Variants in CDH10 observed in about 807,000 individuals in gnomAD.
CDH10 encodes the protein cadherin 10.
Under a neutral mutation model 73.1 loss-of-function variants are expected in CDH10, and 30 were observed. The observed-to-expected ratio is 0.41, with a 90% confidence interval of 0.31 to 0.56. The LOEUF is 0.56. Among genes scored for constraint, CDH10 ranks in the 20% least tolerant of loss-of-function variants. CDH10 has a pLI of 0.27. For synonymous variants in CDH10, 345 were observed against 348.2 expected (o/e 0.99, Z 0.10); for missense variants, 815 against 973.7 (o/e 0.84, Z 2.17).
chr5:24,501,375 A>C (rs944054455), intron 8 of CDH10, among the ~76,000 whole-genome samples: 1 of 151,508 alleles, frequency 6.6e-6, no homozygotes, highest in African/African-American at 2.4e-5. Context: ...GCCTGGAGCT[A>C]CCTATTCAAA....
At chr5:24,583,568 T>G (rs972371482) in intron 2 of CDH10, among the ~76,000 whole-genome samples, 6 of 152,234 alleles carry the variant, frequency 3.9e-5, no homozygotes, top group Non-Finnish European at 5.9e-5. Context: ...TCTGCTAATT[T>G]ATTAATCAGT....
chr5:24,575,876 T>C (rs1169139965), intron 2 of CDH10, among the ~76,000 whole-genome samples: 1 of 152,164 alleles, frequency 6.6e-6, no homozygotes, highest in Non-Finnish European at 1.5e-5. Context: ...GTATATTTTA[T>C]AAATAGCACT....
In CDH10 at chr5:24,560,350, C is replaced by G. The variant is rs913950801; in HGVS notation, c.232-22676G>C. 2.6e-5 allele frequency among the ~76,000 whole-genome samples: 4 copies of G among 151,912 alleles called. No homozygotes were observed. The South Asian group carries it at 8.3e-4, about 32-fold the overall frequency. On this transcript the variant is annotated intron_variant, in intron 2 of 11. Coordinates refer to ENST00000264463, the MANE Select transcript of CDH10 (RefSeq NM_006727.5). Reference sequence around the variant, plus strand: ...GGAAAGAAGCCCAACCACCAACCCACCAAGGCACATGGCCAACATGTAATT... The same window carrying G: ...GGAAAGAAGCCCAACCACCAACCCAGCAAGGCACATGGCCAACATGTAATT...
intron 1 of CDH10, among the ~76,000 whole-genome samples, chr5:24,628,741 G>T (rs1339816799): frequency 1.3e-5 from 2 of 151,716 alleles, no homozygotes; most frequent in Non-Finnish European, 2.9e-5. Flanking sequence ...AACCCAGGTT[G>T]GTGTCTTAGT....
At chr5:24,606,144 T>TGTAG (rs1746752860) in intron 1 of CDH10, among the ~76,000 whole-genome samples, 1 of 152,142 alleles carries the variant, frequency 6.6e-6, no homozygotes, top group South Asian at 2.1e-4. Flanking sequence ...GTTATAAAAC[T>TGTAG]GTAGGCATTT....
chr5:24,603,238 C>T (rs1235395644), intron 1 of CDH10, among the ~76,000 whole-genome samples: 1 of 152,144 alleles, frequency 6.6e-6, no homozygotes, highest in African/African-American at 2.4e-5. Flanking sequence ...ATTCAATCTG[C>T]ACATTTTCTC....
In CDH10 at chr5:24,608,896, A is replaced by C. The variant is rs147194206; in HGVS notation, c.-123-15283T>G. Among the ~76,000 whole-genome samples the C allele has an allele frequency of 9.8e-3, 1,496 of 152,306 alleles. 19 individuals carry two copies. Among genetic ancestry groups the C allele is most frequent in the African/African-American group, 0.035 (1,444 of 41,558 alleles). On this transcript the variant is annotated intron_variant, in intron 1 of 11. Coordinates refer to ENST00000264463, the MANE Select transcript of CDH10 (RefSeq NM_006727.5). The stretch of plus-strand genomic sequence containing the variant: ...AGTTATTAAAATGTGTACATTGAAA[A>C]ATTTCCCATAACACATTATGCATAG...
At chr5:24,640,025 AT>A (rs1480121044) in intron 1 of CDH10, among the ~76,000 whole-genome samples, 1 of 151,820 alleles carries the variant, frequency 6.6e-6, no homozygotes, top group Non-Finnish European at 1.5e-5. Flanking sequence ...AGTTGCTTTC[AT>A]TTAAAAGAAT....
chr5:24,573,497 T>C (rs1022174807), intron 2 of CDH10, among the ~76,000 whole-genome samples: 8 of 151,696 alleles, frequency 5.3e-5, no homozygotes, highest in Admixed American at 3.9e-4. Flanking sequence ...GTCAGGAGAT[T>C]GAGACCATCC....
At chr5:24,564,760 C>T (rs114190089) in intron 2 of CDH10, among the ~76,000 whole-genome samples, 1,588 of 152,224 alleles carry the variant, frequency 0.01, 22 homozygotes, top group African/African-American at 0.032. Flanking sequence ...TGATCCTATA[C>T]GTATTAACTT....
At chr5:24,612,916 A>G (rs1167418559) in intron 1 of CDH10, 1 of 152,152 alleles carries the variant, frequency 6.6e-6, no homozygotes. Flanking sequence ...TTAAAAGATG[A>G]CTAGACTTCT....
At chr5:24,534,987 C>T in intron 5 of CDH10, 125 bp downstream of exon 5, 1 of 870,620 alleles carries the variant, frequency 1.1e-6, no homozygotes. Flanking sequence ...ACTTTTGTAT[C>T]ACATTTTCAA....
chr5:24,574,524 TA>T (rs1745524047), intron 2 of CDH10, among the ~76,000 whole-genome samples: 1 of 151,944 alleles, frequency 6.6e-6, no homozygotes, highest in African/African-American at 2.4e-5. Context: ...TAGAACAAAT[TA>T]CAACCACCAC....
At chr5:24,545,737 C>T (rs995304770) in intron 2 of CDH10, among the ~76,000 whole-genome samples, 1 of 151,600 alleles carries the variant, frequency 6.6e-6, no homozygotes, top group Non-Finnish European at 1.5e-5. Context: ...CAGGATTGCT[C>T]GAGCCCGTGC....
chr5:24,526,625 C>T (rs148652268), intron 5 of CDH10, among the ~76,000 whole-genome samples: 1 of 151,786 alleles, frequency 6.6e-6, no homozygotes, highest in South Asian at 2.1e-4. Context: ...ACCCTCAAAC[C>T]TTTTATCGAC....
chr5:24,587,586 TGA>T (rs2112077539), intron 2 of CDH10, among the ~76,000 whole-genome samples: 1 of 152,300 alleles, frequency 6.6e-6, no homozygotes, highest in South Asian at 2.1e-4. Context: ...AAAATTTATG[TGA>T]GATTTAATAC....
intron 10 of CDH10, among the ~76,000 whole-genome samples, 192 bp downstream of exon 10, chr5:24,492,625 T>G (rs2111647641): frequency 6.6e-6 from 1 of 152,318 alleles, no homozygotes; most frequent in South Asian, 2.1e-4. Context: ...TTCAGATATT[T>G]TATTATTTTA....
chr5:24,520,920 T>C (rs1344304732), intron 5 of CDH10, among the ~76,000 whole-genome samples: 2 of 151,466 alleles, frequency 1.3e-5, no homozygotes, highest in Non-Finnish European at 2.9e-5. Context: ...TTAGTAGAAA[T>C]GGGGTTTCAT....
intron 2 of CDH10, among the ~76,000 whole-genome samples, chr5:24,556,882 T>C (rs1240805223): frequency 2.0e-5 from 3 of 151,884 alleles, no homozygotes; most frequent in Non-Finnish European, 2.9e-5. Context: ...AATTGGTTTC[T>C]AGAGATGTAC....
Sources: gnomAD v4.1 joint callset for allele counts (sites outside exome capture counted in the v4.1 genomes callset) on GRCh38, gnomAD v4.1.1 for gene constraint, MANE v1.5 for transcripts, NCBI Gene and HGNC (gene_info 2026-07-23, HGNC 2026-07-21) for gene names.